Variants in RIPOR3 observed in about 807,000 individuals in gnomAD.
RIPOR3 encodes the protein family with sequence similarity 65 member C.
A neutral mutation model predicts 114.3 loss-of-function variants in RIPOR3; 95 were observed. That is an observed-to-expected ratio of 0.83 (90% CI 0.70 to 0.99). RIPOR3 has a LOEUF of 0.99. Ranked by LOEUF, RIPOR3 falls within the 50% of genes least tolerant of loss-of-function variation. The pLI is 0.00. For synonymous variants in RIPOR3, 575 were observed against 543.8 expected (o/e 1.06, Z -0.80); for missense variants, 1,252 against 1,266.9 (o/e 0.99, Z 0.18).
chr20:50,598,439 C>CA (rs1201770044), intron 13 of RIPOR3, among the ~76,000 whole-genome samples: 3 of 152,052 alleles, frequency 2.0e-5, no homozygotes, highest in African/African-American at 7.2e-5. Flanking sequence ...GTGTCCAACA[C>CA]AAACTGCAGC....
chr20:50,599,611 T>TG (rs540630875), intron 13 of RIPOR3, among the ~76,000 whole-genome samples: 1 of 152,022 alleles, frequency 6.6e-6, no homozygotes, highest in South Asian at 2.1e-4. Flanking sequence ...CACAAAAACT[T>TG]GAAAAACATG....
chr20:50,660,121 G>A (rs1287923723), intron 1 of RIPOR3: 1 of 152,184 alleles, frequency 6.6e-6, no homozygotes, highest in African/African-American at 2.4e-5. Flanking sequence ...TGGGGAGTAC[G>A]TCCATATAGA....
intron 13 of RIPOR3, 133 bp from the exon 14 acceptor site, chr20:50,597,843 G>C: frequency 1.5e-6 from 2 of 1,371,594 alleles, no homozygotes; most frequent in East Asian, 5.0e-5. Context: ...CCGTCCCCCA[G>C]CAGAAGCCCA....
chr20:50,626,217 C>A (rs1228223321), intron 2 of RIPOR3, among the ~76,000 whole-genome samples: 1 of 152,278 alleles, frequency 6.6e-6, no homozygotes, highest in Non-Finnish European at 1.5e-5. Context: ...AATAGATGCA[C>A]CGCTTCCCCG....
In RIPOR3 at chr20:50,686,933, C is replaced by T. The variant is rs545083046; in HGVS notation, c.3+4193G>A. Among the ~76,000 whole-genome samples, 15 of 152,268 alleles carry T rather than the reference C, an allele frequency of 9.9e-5. 1 individual carries two copies. The highest frequency in any genetic ancestry group is 2.4e-4 in the African/African-American group (10 of 41,554). On this transcript the variant is annotated intron_variant, in intron 1 of 21. Transcript: ENST00000327979. ...TTGAGAATGAGAAATATTTTCCTCT[C>T]GTGCTTGCTGGCTTAGGCCCTTAAA...
At chr20:50,591,877 G>C (rs776382811) in intron 19 of RIPOR3, among the ~76,000 whole-genome samples, 3 of 152,162 alleles carry the variant, frequency 2.0e-5, no homozygotes, top group African/African-American at 7.2e-5. Flanking sequence ...CAGGCGGATC[G>C]CAGGGTCAGG....
chr20:50,689,015 G>C (rs2087119495), intron 1 of RIPOR3, among the ~76,000 whole-genome samples: 1 of 152,054 alleles, frequency 6.6e-6, no homozygotes, highest in Non-Finnish European at 1.5e-5. Flanking sequence ...CACCTCAGAA[G>C]CTGCAGGGCC....
At chr20:50,596,366 C>A in intron 14 of RIPOR3, 103 bp from the exon 15 acceptor site, 1 of 1,502,396 alleles carries the variant, frequency 6.7e-7, no homozygotes, top group South Asian at 1.2e-5. Flanking sequence ...TCAGGAGGCC[C>A]ACTCCAGGTC....
chr20:50,648,188 A>T (rs2085483241), intron 1 of RIPOR3, among the ~76,000 whole-genome samples: 2 of 151,962 alleles, frequency 1.3e-5, no homozygotes, highest in Non-Finnish European at 2.9e-5. Context: ...AGGCAGGAGA[A>T]TTGCCTGAAC....
intron 11 of RIPOR3, among the ~76,000 whole-genome samples, chr20:50,607,179 C>G (rs1314483750): frequency 6.6e-6 from 1 of 152,228 alleles, no homozygotes; most frequent in Non-Finnish European, 1.5e-5. Flanking sequence ...ACTGGACACC[C>G]CCAGTTAGAG....
At chr20:50,588,823 G>A (rs2083010481) in intron 20 of RIPOR3, among the ~76,000 whole-genome samples, 1 of 151,128 alleles carries the variant, frequency 6.6e-6, no homozygotes, top group African/African-American at 2.4e-5. Flanking sequence ...GCTCATGCCT[G>A]TAATCCCAGC....
intron 3 of RIPOR3, among the ~76,000 whole-genome samples, chr20:50,618,085 G>A (rs1480043210): frequency 1.3e-5 from 2 of 151,704 alleles, no homozygotes; most frequent in African/African-American, 4.8e-5. Flanking sequence ...CCAATATGGT[G>A]AAACCACGTT....
At chr20:50,639,450 AC>A in intron 1 of RIPOR3, among the ~76,000 whole-genome samples, 1 of 151,582 alleles carries the variant, frequency 6.6e-6, no homozygotes, top group Admixed American at 6.6e-5. Flanking sequence ...CCTCTCACTC[AC>A]CCCCACAGCT....
At chr20:50,674,396 G>A (rs2086622053) in intron 1 of RIPOR3, among the ~76,000 whole-genome samples, 1 of 151,884 alleles carries the variant, frequency 6.6e-6, no homozygotes, top group African/African-American at 2.4e-5. Flanking sequence ...AATGGGAAGA[G>A]GAATAAAAGG....
intron 1 of RIPOR3, among the ~76,000 whole-genome samples, chr20:50,674,310 T>G (rs1271429242): frequency 2.6e-5 from 4 of 151,994 alleles, no homozygotes; most frequent in African/African-American, 9.7e-5. Flanking sequence ...AATGTGACCT[T>G]GGGCAAATCA....
At chr20:50,652,609 A>AAAAAG (rs1398599738) in intron 1 of RIPOR3, among the ~76,000 whole-genome samples, 19 of 146,906 alleles carry the variant, frequency 1.3e-4, no homozygotes, top group East Asian at 2.0e-4. Flanking sequence ...AAAAAAAAAA[A>AAAAAG]AAAAGAAAAG....
chr20:50,600,133 C>T (rs532304078), intron 13 of RIPOR3, among the ~76,000 whole-genome samples: 3 of 152,136 alleles, frequency 2.0e-5, no homozygotes, highest in African/African-American at 4.8e-5. Context: ...GAACTCGTAG[C>T]CTCAAGCAAT....
chr20:50,674,452 G>A (rs1034147), intron 1 of RIPOR3, among the ~76,000 whole-genome samples: 124,017 of 151,422 alleles, frequency 0.82, 51,577 homozygotes, highest in East Asian at 0.96. Context: ...AGCAAATTCC[G>A]TAGTAAGAGG....
intron 1 of RIPOR3, among the ~76,000 whole-genome samples, chr20:50,685,078 T>A (rs1474834105): frequency 2.6e-5 from 4 of 151,674 alleles, no homozygotes; most frequent in Non-Finnish European, 4.4e-5. Flanking sequence ...CCACGTCCAG[T>A]GTAGAATTTC....
Sources: allele counts gnomAD v4.1 joint callset (sites outside exome capture counted in the v4.1 genomes callset), GRCh38; gene constraint gnomAD v4.1.1; transcripts MANE v1.5; gene names NCBI Gene and HGNC (gene_info 2026-07-23, HGNC 2026-07-21).